BATF: variants seen among roughly 807,000 people sequenced by gnomAD.
The protein encoded by BATF is basic leucine zipper transcriptional factor ATF-like.
Under a neutral mutation model 13.7 loss-of-function variants are expected in BATF, and 5 were observed. The ratio of observed to expected loss-of-function variants is 0.36; its 90% CI spans 0.19 to 0.77. The LOEUF (loss-of-function observed/expected upper bound fraction) is 0.77, where lower values mean the gene tolerates loss of function less well. BATF is among the 30% of genes least tolerant of loss of function. The pLI is 0.51. For missense variants in BATF, 124 were observed against 163.0 expected, an observed-to-expected ratio of 0.76 and a Z score of 1.30; for synonymous variants, 72 against 67.5, an observed-to-expected ratio of 1.07 and a Z score of -0.33.
intron 2 of BATF, among the ~76,000 whole-genome samples, chr14:75,533,989 G>A (rs1887782015): frequency 1.3e-5 from 2 of 152,136 alleles, no homozygotes; most frequent in Admixed American, 1.3e-4. Context: ...CAAGAAGCAG[G>A]CCATTAACCA....
intron 2 of BATF, among the ~76,000 whole-genome samples, chr14:75,539,047 T>C (rs960088662): frequency 2.0e-4 from 31 of 152,240 alleles, no homozygotes; most frequent in African/African-American, 7.0e-4. Flanking sequence ...CAAGATTGCA[T>C]GCATTCAGAG....
Position 75,546,862 on chromosome 14 carries a change from T to G in BATF, c.*191T>G, listed in dbSNP as rs370951992. 28 of 803,560 alleles carry G rather than the reference T, an allele frequency of 3.5e-5. No individual in the cohort carries two copies. The African/African-American group carries it at 4.7e-4, about 14-fold the overall frequency. The allele number at this position is 803,560 out of a possible 1,614,324, so 49.8% of individuals were successfully genotyped here. On this transcript the variant is annotated 3_prime_UTR_variant, in exon 3 of 3. Coordinates refer to ENST00000286639, the MANE Select transcript of BATF (RefSeq NM_006399.5). ...CAGTGCCGCAGCGTTTCGAGGGGCG[T>G]GTGCTGGACCCCACCACTGTGGGTT...
chr14:75,525,839 G>A (rs1241385669), intron 2 of BATF, among the ~76,000 whole-genome samples: 1 of 152,088 alleles, frequency 6.6e-6, no homozygotes, highest in Non-Finnish European at 1.5e-5. Context: ...CGCAGTGCAA[G>A]GACCACACAT....
chr14:75,524,763 A>G (rs1369399414), intron 1 of BATF, among the ~76,000 whole-genome samples: 2 of 151,982 alleles, frequency 1.3e-5, no homozygotes, highest in Admixed American at 6.5e-5. Flanking sequence ...AGCCCTACAG[A>G]GGAGAGGTGA....
intron 2 of BATF, among the ~76,000 whole-genome samples, chr14:75,538,809 G>A (rs1309647901): frequency 6.6e-6 from 1 of 152,224 alleles, no homozygotes; most frequent in Admixed American, 6.5e-5. Context: ...GCTGAGGCAG[G>A]AGAATGGCAT....
Position 75,522,723 on chromosome 14 carries a change from G to T in BATF, c.41G>T (p.Arg14Leu). 1 of 1,614,168 alleles carries T rather than the reference G, an allele frequency of 6.2e-7. No homozygotes were observed. The highest frequency in any genetic ancestry group is 8.5e-7 in the Non-Finnish European group (1 of 1,180,036). The change falls in exon 1 of 3, where the codon CGC becomes CTC. Residue 14 changes from arginine to leucine, a missense_variant. By Grantham distance (102) the Arg-to-Leu change is moderately radical. Coordinates refer to ENST00000286639, the MANE Select transcript of BATF (RefSeq NM_006399.5). ...GACAGCAGTGACTCCAGCTTCAGCC[G>T]CTCTCCTCCCCCTGGCAAACAGGTA... ...SSDSSDSSFS[R>L]SPPPGKQDSS...
intron 1 of BATF, among the ~76,000 whole-genome samples, chr14:75,524,352 T>G (rs1887621003): frequency 6.6e-6 from 1 of 152,180 alleles, no homozygotes; most frequent in Non-Finnish European, 1.5e-5. Context: ...GCTGGGGCCA[T>G]GGGGAATGTC....
At chr14:75,544,912 C>T (rs1225156644) in intron 2 of BATF, among the ~76,000 whole-genome samples, 2 of 149,674 alleles carry the variant, frequency 1.3e-5, no homozygotes, top group African/African-American at 2.5e-5. Flanking sequence ...TAAAATTATA[C>T]CGGAATTGCG....
chr14:75,534,405 C>T (rs954108162), intron 2 of BATF, among the ~76,000 whole-genome samples: 25 of 152,110 alleles, frequency 1.6e-4, no homozygotes, highest in African/African-American at 4.1e-4. Context: ...ACTTCGAGTC[C>T]GATAATTCTT....
chr14:75,544,744 G>A (rs1887956215), intron 2 of BATF, among the ~76,000 whole-genome samples: 1 of 150,372 alleles, frequency 6.7e-6, no homozygotes, highest in African/African-American at 2.5e-5. Flanking sequence ...AATAGATTTA[G>A]AAAGGTAAGA....
At chr14:75,530,438 C>A (rs1216992680) in intron 2 of BATF, among the ~76,000 whole-genome samples, 1 of 152,148 alleles carries the variant, frequency 6.6e-6, no homozygotes, top group Non-Finnish European at 1.5e-5. Flanking sequence ...TAAAGATAAT[C>A]ATTGCTGCAT....
chr14:75,534,609 T>G (rs985249817), intron 2 of BATF, among the ~76,000 whole-genome samples: 4 of 152,230 alleles, frequency 2.6e-5, no homozygotes, highest in African/African-American at 9.6e-5. Context: ...AGTTGTTCTT[T>G]CTCCTTAATA....
chr14:75,525,060 A>G (rs1448620469), intron 1 of BATF, 24 bp from the exon 2 acceptor site: 1 of 1,586,914 alleles, frequency 6.3e-7, no homozygotes, highest in Non-Finnish European at 8.6e-7. Flanking sequence ...GACCCATGTA[A>G]TCCTCCCCGT....
intron 2 of BATF, among the ~76,000 whole-genome samples, chr14:75,531,974 G>A (rs930769283): frequency 4.6e-5 from 7 of 152,120 alleles, no homozygotes; most frequent in South Asian, 4.1e-4. Flanking sequence ...AAAGAGATGC[G>A]ACCCTTCTGT....
chr14:75,534,467 A>T lies in BATF; in HGVS notation c.168+9279A>T, dbSNP rs577820326. Among the ~76,000 whole-genome samples, 3 of 152,334 alleles carry T rather than the reference A, an allele frequency of 2.0e-5. No individual in the cohort carries two copies. The South Asian group carries it at 6.2e-4, about 32-fold the overall frequency. ...GTAAAATGTAAAATTTACCCACAAGATGCCAGTAGAACACCCCCTCACCCT... is the reference window on the plus strand; with the variant it reads ...GTAAAATGTAAAATTTACCCACAAGTTGCCAGTAGAACACCCCCTCACCCT... On this transcript the variant is annotated intron_variant, in intron 2 of 2. Coordinates refer to ENST00000286639, the MANE Select transcript of BATF (RefSeq NM_006399.5).
chr14:75,546,631 T>C lies in BATF; in HGVS notation c.338T>C (p.Phe113Ser). Reference protein sequence around the residue: ...PPEVVYSAHAFHQPHVSSPRF... With the variant: ...PPEVVYSAHASHQPHVSSPRF... ...GAGGTGGTGTACAGCGCCCACGCAT[T>C]CCACCAACCTCATGTCAGCTCCCCG... Residue 113 changes from phenylalanine to serine, a missense_variant, in exon 3 of 3, where the codon TTC (phenylalanine) becomes TCC (serine). Around this residue, in one of 2 missense-constraint regions of BATF, gnomAD observed 59 missense variants for 49.7 expected, o/e 1.19. Coordinates refer to ENST00000286639, the MANE Select transcript of BATF (RefSeq NM_006399.5). 1 of 1,612,168 alleles carries C rather than the reference T, an allele frequency of 6.2e-7. No individual in the cohort carries two copies. Among genetic ancestry groups the C allele is most frequent in the Non-Finnish European group, 8.5e-7 (1 of 1,179,154 alleles).
chr14:75,534,691 T>C (rs1887793081), intron 2 of BATF, among the ~76,000 whole-genome samples: 1 of 152,314 alleles, frequency 6.6e-6, no homozygotes, highest in Non-Finnish European at 1.5e-5. Flanking sequence ...GTAAATTATT[T>C]AAAATTATAA....
At chr14:75,530,549 A>G (rs1278190103) in intron 2 of BATF, among the ~76,000 whole-genome samples, 1 of 152,270 alleles carries the variant, frequency 6.6e-6, no homozygotes, top group Non-Finnish European at 1.5e-5. Context: ...ATATGTTAAA[A>G]TAATGAGTTA....
intron 2 of BATF, among the ~76,000 whole-genome samples, chr14:75,543,505 C>T (rs911720216): frequency 1.3e-5 from 2 of 152,110 alleles, no homozygotes; most frequent in African/African-American, 4.8e-5. Flanking sequence ...ACAGTATAAC[C>T]GATTAACCTC....
Sources: gnomAD v4.1 joint callset for allele counts (sites outside exome capture counted in the v4.1 genomes callset) on GRCh38, gnomAD v4.1.1 for gene constraint, gnomAD v4.1.1 regional missense constraint, MANE v1.5 for transcripts, NCBI Gene and HGNC (gene_info 2026-07-23, HGNC 2026-07-21) for gene names.